Variants in ADAMTS12 observed in about 807,000 individuals in gnomAD.
ADAMTS12 encodes the protein ADAM metallopeptidase with thrombospondin type 1 motif 12.
A neutral mutation model predicts 167.8 loss-of-function variants in ADAMTS12; 118 were observed. The observed-to-expected ratio is 0.70, with a 90% CI of 0.61 to 0.82. The LOEUF (loss-of-function observed/expected upper bound fraction) is 0.82, where lower values mean the gene tolerates loss of function less well. ADAMTS12 is among the 40% of genes least tolerant of loss of function. The pLI, the probability that ADAMTS12 is intolerant of heterozygous loss-of-function variation, is 0.00. For synonymous variants in ADAMTS12, 704 were observed against 716.9 expected (o/e 0.98, Z 0.29); for missense variants, 1,916 against 1,998.8 (o/e 0.96, Z 0.79).
At chr5:33,835,939 CTCTCTCTCTCTCTCTGTGTGTGTGTG>C (rs200130642) in intron 2 of ADAMTS12, among the ~76,000 whole-genome samples, 5,340 of 56,108 alleles carry the variant, frequency 0.095, 248 homozygotes, top group East Asian at 0.27. Context: ...CTCTCTCTCT[CTCTCTCTCTCTCTCTGTGTGTGTGTG>C]TGTGTCCATC....
At chr5:33,694,495 C>T (rs144469466) in intron 3 of ADAMTS12, among the ~76,000 whole-genome samples, 39 of 152,262 alleles carry the variant, frequency 2.6e-4, no homozygotes, top group African/African-American at 9.4e-4. Context: ...TGGTAATAAG[C>T]CAGCCATTCT....
chr5:33,530,615 G>A (rs1004648519), intron 23 of ADAMTS12, among the ~76,000 whole-genome samples: 1 of 152,202 alleles, frequency 6.6e-6, no homozygotes, highest in African/African-American at 2.4e-5. Context: ...GAAAGACAGA[G>A]GAAGGGTGGA....
chr5:33,628,472 T>C (rs1561180089), intron 13 of ADAMTS12, among the ~76,000 whole-genome samples: 1 of 152,168 alleles, frequency 6.6e-6, no homozygotes, highest in Non-Finnish European at 1.5e-5. Flanking sequence ...ACAAATTCAG[T>C]TCTGATCAGG....
At chr5:33,736,914 T>C (rs1301191079) in intron 3 of ADAMTS12, among the ~76,000 whole-genome samples, 2 of 152,216 alleles carry the variant, frequency 1.3e-5, no homozygotes, top group Admixed American at 1.3e-4. Context: ...ATCTTCCCCA[T>C]GAGTTCAGTC....
In ADAMTS12 at chr5:33,880,302, T is replaced by C. The variant is rs536691865; in HGVS notation, c.489+817A>G. Among the ~76,000 whole-genome samples the C allele has an allele frequency of 2.0e-5, 3 of 152,242 alleles. No individual in the cohort carries two copies. In the South Asian group the frequency reaches 6.2e-4, roughly 32 times the overall value. On this transcript the variant is annotated intron_variant, in intron 2 of 23. Transcript: ENST00000504830. ...GGCATATTCGAATAATAAAATACAA[T>C]AACAGCAGCCAATATTCATTGAGTG...
chr5:33,595,947 C>G lies in ADAMTS12; in HGVS notation c.2641G>C (p.Ala881Pro), dbSNP rs1213708496. ...AGCGATGGTTACCTGGGTGGACAAGCCTTTTCATGGCACTTCTTCTGTCTC... is the reference window on the plus strand; with the variant it reads ...AGCGATGGTTACCTGGGTGGACAAGGCTTTTCATGGCACTTCTTCTGTCTC... ...NGRQKKCHEK[A>P]CPPRWWAGEW... The change falls in exon 17 of 24, where the codon GCT becomes CCT. Residue 881 changes from alanine to proline, a missense_variant. By Grantham distance (27) the Ala-to-Pro change is conservative (BLOSUM62 -1). Coordinates refer to ENST00000504830, the MANE Select transcript of ADAMTS12 (RefSeq NM_030955.4). 6.2e-7 allele frequency: 1 copy of G among 1,613,972 alleles called. No homozygotes were observed. The highest frequency in any genetic ancestry group is 8.5e-7 in the Non-Finnish European group (1 of 1,179,950).
chr5:33,563,528 G>T (rs1745850860), intron 19 of ADAMTS12, among the ~76,000 whole-genome samples: 1 of 152,204 alleles, frequency 6.6e-6, no homozygotes, highest in African/African-American at 2.4e-5. Flanking sequence ...CCAAGTCAAA[G>T]GTCAGCATCC....
Position 33,549,320 on chromosome 5 carries a change from G to T in ADAMTS12, c.4189C>A (p.His1397Asn), listed in dbSNP as rs759644716. The T allele has an allele frequency of 6.2e-7, 1 of 1,614,196 alleles. No homozygotes were observed. Among genetic ancestry groups the T allele is most frequent in the Non-Finnish European group, 8.5e-7 (1 of 1,180,032 alleles). The change falls in exon 21 of 24, where the codon CAC (histidine) becomes AAC (asparagine). Residue 1397 changes from histidine to asparagine, a missense_variant. By Grantham distance (68) the His-to-Asn change is moderately conservative (BLOSUM62 1). Coordinates refer to ENST00000504830, the MANE Select transcript of ADAMTS12 (RefSeq NM_030955.4). ...CAGTGAAATGGCCTCAGGTTCCGGT[G>T]GTCCCGGCTGTCCACGCACTGAATC... is the stretch of plus-strand genomic sequence containing the variant. ...REIQCVDSRD[H>N]RNLRPFHCQF...
rs778285359 is a variant in ADAMTS12, at chr5:33,576,624, G to A, written c.3402C>T (p.Asn1134=). 1.9e-6 allele frequency: 3 copies of A among 1,614,208 alleles called. No homozygotes were observed. Among genetic ancestry groups the A allele is most frequent in the Non-Finnish European group, 2.5e-6 (3 of 1,180,028 alleles). Residue 1134 remains asparagine, a synonymous_variant, in exon 19 of 24, where the codon AAC becomes AAT. Coordinates refer to ENST00000504830, the MANE Select transcript of ADAMTS12 (RefSeq NM_030955.4). ...ATGGAGTCACAGGCCAAGTGATAGGGTTGCGGGAAGATGACAAGCCAGAAC... is the reference window on the plus strand; with the variant it reads ...ATGGAGTCACAGGCCAAGTGATAGGATTGCGGGAAGATGACAAGCCAGAAC... ...TSGSGLSSSR[N]PITWPVTPFY...
intron 6 of ADAMTS12, among the ~76,000 whole-genome samples, chr5:33,659,360 A>G (rs1219956778): frequency 6.6e-6 from 1 of 152,202 alleles, no homozygotes; most frequent in Non-Finnish European, 1.5e-5. Flanking sequence ...TATACAGCCC[A>G]GTCATTTACG....
chr5:33,641,759 C>T (rs1266426163), intron 11 of ADAMTS12, 51 bp downstream of exon 11: 7 of 1,487,030 alleles, frequency 4.7e-6, no homozygotes, highest in Non-Finnish European at 5.4e-6. Flanking sequence ...TGCCCCCCAT[C>T]CCGCCCCCAG....
chr5:33,674,749 C>T (rs1268796550), intron 5 of ADAMTS12, among the ~76,000 whole-genome samples: 1 of 152,124 alleles, frequency 6.6e-6, no homozygotes, highest in African/African-American at 2.4e-5. Context: ...GTCTGTGACT[C>T]AGGATTTTCA....
intron 2 of ADAMTS12, among the ~76,000 whole-genome samples, chr5:33,762,828 G>A (rs1745404748): frequency 6.6e-6 from 1 of 152,180 alleles, no homozygotes; most frequent in Admixed American, 6.5e-5. Flanking sequence ...TTCCAGGATA[G>A]CACAGGGAGA....
chr5:33,727,553 G>A (rs1744029247), intron 3 of ADAMTS12, among the ~76,000 whole-genome samples: 1 of 152,180 alleles, frequency 6.6e-6, no homozygotes, highest in Non-Finnish European at 1.5e-5. Flanking sequence ...GTAAACACAT[G>A]AATATTAACT....
chr5:33,825,973 ACTC>A (rs1748050855), intron 2 of ADAMTS12, among the ~76,000 whole-genome samples: 1 of 151,898 alleles, frequency 6.6e-6, no homozygotes, highest in African/African-American at 2.4e-5. Flanking sequence ...AATTTAGAAA[ACTC>A]CACACTGGAA....
intron 7 of ADAMTS12, among the ~76,000 whole-genome samples, chr5:33,651,200 T>TTTG (rs1304634228): frequency 1.3e-5 from 2 of 152,134 alleles, no homozygotes; most frequent in Non-Finnish European, 2.9e-5. Context: ...GAGCATGAGG[T>TTTG]ACTCTACAAG....
chr5:33,588,637 G>T lies in ADAMTS12; in HGVS notation c.2827C>A (p.Leu943Met), dbSNP rs926051279. Residue 943 changes from leucine (L) to methionine (M), a missense_variant, in exon 18 of 24, where the codon CTG becomes ATG. Leu to Met is a conservative substitution (Grantham distance 15). Transcript: ENST00000504830. ...KTLLSCNRDI[L>M]CPSDWTVGNW... ...CCCACTGTCCAGTCCGAGGGGCACA[G>T]GATGTCTCTGTTGCAGGAAAGGAGG... The T allele has an allele frequency of 1.2e-6, 2 of 1,614,060 alleles. No individual in the cohort carries two copies. Among genetic ancestry groups the T allele is most frequent in the Non-Finnish European group, 1.7e-6 (2 of 1,180,048 alleles).
chr5:33,526,971 T>C lies in ADAMTS12; in HGVS notation c.*217A>G. The C allele has an allele frequency of 1.8e-6, 1 of 554,434 alleles. No individual in the cohort carries two copies. The highest frequency in any genetic ancestry group is 3.0e-5 in the East Asian group (1 of 33,142). The allele number at this position is 554,434 out of a possible 1,614,324, so 34.3% of individuals were successfully genotyped here. A position where few individuals can be genotyped will look rare whatever the true frequency, so the allele number is the denominator to read the frequency against. On this transcript the variant is annotated 3_prime_UTR_variant, in exon 24 of 24. Transcript: ENST00000504830. ...AGGTGCTGCCTGATTCTCCTAGCTA[T>C]TTCACCTTCCTATCAGGGAGCAGCA...
chr5:33,713,125 A>C (rs555775163), intron 3 of ADAMTS12, among the ~76,000 whole-genome samples: 2 of 152,194 alleles, frequency 1.3e-5, no homozygotes, highest in Non-Finnish European at 2.9e-5. Context: ...GACGTTTCCC[A>C]ATCAGTTCTT....
Sources: gnomAD v4.1 joint callset for allele counts (sites outside exome capture counted in the v4.1 genomes callset) on GRCh38, gnomAD v4.1.1 for gene constraint, MANE v1.5 for transcripts, NCBI Gene and HGNC (gene_info 2026-07-23, HGNC 2026-07-21) for gene names.